The following KYNU variants were observed in gnomAD, a reference collection of about 807,000 sequenced individuals.
KYNU encodes kynureninase, also known as L-kynurenine hydrolase.
A neutral mutation model predicts 59.2 loss-of-function variants in KYNU; 54 were observed. The ratio of observed to expected loss-of-function variants is 0.91; its 90% CI spans 0.73 to 1.14. The LOEUF (loss-of-function observed/expected upper bound fraction) is 1.14, where lower values mean the gene tolerates loss of function less well. KYNU is among the 50% of genes most tolerant of loss of function. The pLI is 0.00. For synonymous variants in KYNU, 177 were observed against 192.0 expected (o/e 0.92, Z 0.65); for missense variants, 567 against 554.4 (o/e 1.02, Z -0.23).
intron 8 of KYNU, among the ~76,000 whole-genome samples, chr2:142,965,832 G>A (rs556186092): frequency 6.6e-5 from 10 of 152,198 alleles, no homozygotes; most frequent in African/African-American, 2.4e-4. Context: ...TATTTCTTAT[G>A]TTCCTCAATT....
chr2:142,929,359 CAAAAAAAAAAAAA>C (rs5834929), intron 4 of KYNU, among the ~76,000 whole-genome samples: 1 of 106,448 alleles, frequency 9.4e-6, no homozygotes, highest in Non-Finnish European at 2.0e-5. Context: ...TTGCCTTTCT[CAAAAAAAAAAAAA>C]AAAAAAAAAA....
At chr2:142,957,807 C>T in intron 7 of KYNU, 92 bp downstream of exon 7, 1 of 808,432 alleles carries the variant, frequency 1.2e-6, no homozygotes, top group Non-Finnish European at 2.1e-6. Context: ...ATCTTCATTA[C>T]TTTAATGGAA....
chr2:143,029,679 AGTAAGT>A lies in KYNU; in HGVS notation c.955+4_955+9del. The A allele has an allele frequency of 1.3e-6, 2 of 1,518,676 alleles. No homozygotes were observed. Among genetic ancestry groups the A allele is most frequent in the Non-Finnish European group, 1.8e-6 (2 of 1,092,814 alleles). The allele number at this position is 1,518,676 out of a possible 1,614,324, so 94.1% of individuals were successfully genotyped here. A position where few individuals can be genotyped will look rare whatever the true frequency, so the allele number is the denominator to read the frequency against. On this transcript the variant is annotated splice_donor_variant and splice_donor_5th_base_variant and intron_variant, in intron 11 of 13. Coordinates refer to ENST00000264170, the MANE Select transcript of KYNU (RefSeq NM_003937.3). LOFTEE classifies it high-confidence loss of function. ...CAGCACCAGATTTAAGATGGATAAC[AGTAAGT>A]GTATTTATTTTACCTAATGCCATTT...
intron 4 of KYNU, among the ~76,000 whole-genome samples, chr2:142,931,028 A>G (rs1683193395): frequency 6.6e-6 from 1 of 152,168 alleles, no homozygotes; most frequent in African/African-American, 2.4e-5. Context: ...GTCTGACATA[A>G]CTGCTGCGTT....
At chr2:142,959,072 A>G (rs984595269) in intron 7 of KYNU, among the ~76,000 whole-genome samples, 4 of 152,100 alleles carry the variant, frequency 2.6e-5, no homozygotes, top group African/African-American at 9.7e-5. Context: ...TTTTGTAAAC[A>G]AATTCCTGGT....
At chr2:143,012,872 G>A (rs1240363349) in intron 10 of KYNU, among the ~76,000 whole-genome samples, 2 of 152,106 alleles carry the variant, frequency 1.3e-5, no homozygotes, top group African/African-American at 2.4e-5. Flanking sequence ...CCTCACACCT[G>A]TCTTTGGTAA....
chr2:142,957,645 C>T lies in KYNU; in HGVS notation c.512C>T (p.Ala171Val), dbSNP rs147928469. The change falls in exon 7 of 14, where the codon GCT (alanine) becomes GTT (valine). Residue 171 changes from alanine to valine, a missense_variant. By Grantham distance (64) the Ala-to-Val change is moderately conservative. Transcript: ENST00000264170. ...TACATCATCTTTCCTTTTTAGTATG[C>T]TATTGAGTCACAACTACAACTTCAC... ...EAKAFPSDHYAIESQLQLHGL... is the reference protein window; with the variant it reads ...EAKAFPSDHYVIESQLQLHGL... 6 of 1,586,202 alleles carry T rather than the reference C, an allele frequency of 3.8e-6. No homozygotes were observed. Among genetic ancestry groups the T allele is most frequent in the Non-Finnish European group, 5.2e-6 (6 of 1,155,122 alleles).
chr2:143,006,997 C>G (rs1429650716), intron 10 of KYNU, among the ~76,000 whole-genome samples: 3 of 152,096 alleles, frequency 2.0e-5, no homozygotes, highest in Non-Finnish European at 4.4e-5. Flanking sequence ...AAACGCAGAG[C>G]GTCTCTCCTC....
chr2:142,990,658 C>T (rs749576880), intron 10 of KYNU, among the ~76,000 whole-genome samples: 2 of 151,870 alleles, frequency 1.3e-5, no homozygotes, highest in Non-Finnish European at 2.9e-5. Flanking sequence ...AGCAAACCTC[C>T]ACATGTGCCC....
chr2:143,005,316 A>T (rs1685838048), intron 10 of KYNU, among the ~76,000 whole-genome samples: 1 of 152,164 alleles, frequency 6.6e-6, no homozygotes, highest in Non-Finnish European at 1.5e-5. Flanking sequence ...GGGCAGTCAC[A>T]TTTCACTTTA....
intron 4 of KYNU, chr2:142,947,981 A>G (rs1311947689): frequency 6.6e-6 from 1 of 152,206 alleles, no homozygotes; most frequent in Non-Finnish European, 1.5e-5. Flanking sequence ...CTTTATTTAC[A>G]AAGAGTAGTT....
intron 8 of KYNU, chr2:142,967,246 T>C (rs1401061638): frequency 6.6e-6 from 1 of 152,168 alleles, no homozygotes; most frequent in East Asian, 1.9e-4. Flanking sequence ...AATGATTCCC[T>C]TAATTTCTCA....
intron 4 of KYNU, chr2:142,947,371 G>A (rs1479299363): frequency 3.9e-6 from 3 of 777,412 alleles, no homozygotes; most frequent in African/African-American, 1.7e-5. Flanking sequence ...ACTGTACTGT[G>A]TCTTTTTAAA....
At position 142,885,380 on chromosome 2, in the gene KYNU, T is replaced by C; in HGVS notation, c.13T>C (p.Ser5Pro). The C allele has an allele frequency of 6.2e-7, 1 of 1,613,888 alleles. No individual in the cohort carries two copies. MEPS[S>P]LELPADTVQR... ...AGAACAACTTGTAATGGAGCCTTCATCTCTTGAGCTGCCGGCTGACACAGT... is the reference window on the plus strand; with the variant it reads ...AGAACAACTTGTAATGGAGCCTTCACCTCTTGAGCTGCCGGCTGACACAGT... The change falls in exon 2 of 14, where the codon TCT (serine) becomes CCT (proline). Residue 5 changes from serine (S) to proline (P), a missense_variant. Physicochemically the swap from Ser to Pro is moderately conservative, Grantham distance 74. Transcript: ENST00000264170.
Position 143,053,022 on chromosome 2 carries a change from A to G in KYNU, c.*10850A>G, listed in dbSNP as rs2104936402. 1 of 152,504 alleles carries G rather than the reference A, an allele frequency of 6.6e-6. No homozygotes were observed. Among genetic ancestry groups the G allele is most frequent in the South Asian group, 2.1e-4 (1 of 4,834 alleles). 9.4% of individuals were successfully genotyped at this position (152,504 alleles called of 1,614,324 possible). A position where few individuals can be genotyped will look rare whatever the true frequency, so the allele number is the denominator to read the frequency against. ...GCTGTGGGAGACCACCTCTTGCATC[A>G]GTGTGACCTGGATGTGAGACATGGA... On this transcript the variant is annotated 3_prime_UTR_variant, in exon 14 of 14. Transcript: ENST00000264170.
intron 4 of KYNU, among the ~76,000 whole-genome samples, chr2:142,930,517 T>C (rs2105021800): frequency 6.6e-6 from 1 of 152,288 alleles, no homozygotes; most frequent in African/African-American, 2.4e-5. Context: ...AAATTCATGA[T>C]CAAGGTGCAA....
At chr2:142,879,799 T>C (rs1681229268) in intron 1 of KYNU, 1 of 152,212 alleles carries the variant, frequency 6.6e-6, no homozygotes, top group Non-Finnish European at 1.5e-5. Flanking sequence ...TTAAATAAGA[T>C]ACAGATAGAA....
At chr2:143,038,957 A>G (rs369224370) in intron 12 of KYNU, among the ~76,000 whole-genome samples, 1 of 152,260 alleles carries the variant, frequency 6.6e-6, no homozygotes, top group South Asian at 2.1e-4. Context: ...TTTGCAGTTC[A>G]TTTAGTTCTT....
At chr2:143,025,103 A>G (rs1414399175) in intron 10 of KYNU, among the ~76,000 whole-genome samples, 3 of 151,146 alleles carry the variant, frequency 2.0e-5, no homozygotes, top group Admixed American at 2.0e-4. Flanking sequence ...CATCCCTCCT[A>G]TTGTTAAGAT....
Sources: allele counts gnomAD v4.1 joint callset (sites outside exome capture counted in the v4.1 genomes callset), GRCh38; gene constraint gnomAD v4.1.1; transcripts MANE v1.5; gene names NCBI Gene and HGNC (gene_info 2026-07-23, HGNC 2026-07-21).